PLCB1: variants seen among roughly 807,000 people sequenced by gnomAD.
The protein encoded by PLCB1 is phospholipase C beta 1, also known as 1-phosphatidylinositol 4,5-bisphosphate phosphodiesterase beta-1.
Under a neutral mutation model 161.8 loss-of-function variants are expected in PLCB1, and 46 were observed. That is an observed-to-expected ratio of 0.28 (90% confidence interval 0.22 to 0.36). PLCB1 has a LOEUF of 0.36. PLCB1 is among the 10% of genes least tolerant of loss of function. PLCB1 has a pLI of 1.00. For synonymous variants in PLCB1, 517 were observed against 503.7 expected, an observed-to-expected ratio of 1.03 and a Z score of -0.35; for missense variants, 1,016 against 1,472.5, an observed-to-expected ratio of 0.69 and a Z score of 5.07.
intron 3 of PLCB1, among the ~76,000 whole-genome samples, chr20:8,596,939 T>G (rs1174788332): frequency 6.6e-6 from 1 of 152,300 alleles, no homozygotes; most frequent in Non-Finnish European, 1.5e-5. Context: ...TTGTGATTTT[T>G]GCACGTTGAT....
intron 2 of PLCB1, among the ~76,000 whole-genome samples, chr20:8,277,482 C>G (rs1982640428): frequency 6.6e-6 from 1 of 151,774 alleles, no homozygotes; most frequent in African/African-American, 2.4e-5. Context: ...TATATAAATG[C>G]TACTCTAATA....
At chr20:8,501,658 T>C (rs1335796235) in intron 3 of PLCB1, among the ~76,000 whole-genome samples, 2 of 152,016 alleles carry the variant, frequency 1.3e-5, no homozygotes, top group South Asian at 2.1e-4. Flanking sequence ...ACACAATAGG[T>C]GGTAAGAAAC....
At position 8,604,252 on chromosome 20, in the gene PLCB1, C is replaced by CAAA. The variant is rs34186286; in HGVS notation, c.247-24018_247-24016dup. Among the ~76,000 whole-genome samples the CAAA allele has an allele frequency of 4.1e-3, 209 of 51,392 alleles. 12 individuals are homozygous for CAAA. The highest frequency in any genetic ancestry group is 6.2e-3 in the African/African-American group (79 of 12,662). 33.7% of individuals were successfully genotyped at this position (51,392 alleles called of 152,430 possible). On this transcript the variant is annotated intron_variant, in intron 3 of 31. Transcript: ENST00000338037. ...TGAGTAACAGAGTGAGGCCCTGTCT[C>CAAA]AAAAAAAAAAAAAAAAAAAAAAAAA...
intron 23 of PLCB1, among the ~76,000 whole-genome samples, chr20:8,743,319 GT>G (rs933456515): frequency 1.9e-4 from 28 of 151,294 alleles, no homozygotes; most frequent in African/African-American, 5.8e-4. Flanking sequence ...GATCATATGG[GT>G]TTTTTTTTCC....
chr20:8,245,719 G>A (rs1452220568), intron 2 of PLCB1, among the ~76,000 whole-genome samples: 2 of 151,916 alleles, frequency 1.3e-5, no homozygotes, highest in Non-Finnish European at 2.9e-5. Flanking sequence ...ATATGTAAGA[G>A]TGTATGCGTT....
In PLCB1 at chr20:8,881,925, GC is replaced by G; in HGVS notation, c.*79del. The G allele has an allele frequency of 1.1e-6, 1 of 950,160 alleles. No individual in the cohort carries two copies. The highest frequency in any genetic ancestry group is 1.7e-6 in the Non-Finnish European group (1 of 602,642). 58.9% of individuals were successfully genotyped at this position (950,160 alleles called of 1,614,324 possible). On this transcript the variant is annotated 3_prime_UTR_variant, in exon 32 of 32. Transcript: ENST00000338037. ...ACTCTCTCTTATTACAAAGATCACT[GC>G]CCAGGACCATCTTCCCGAGAAGCAT...
At chr20:8,417,014 CAT>C (rs1979310538) in intron 3 of PLCB1, among the ~76,000 whole-genome samples, 1 of 103,210 alleles carries the variant, frequency 9.7e-6, no homozygotes, top group African/African-American at 3.7e-5. Context: ...GTTTTAAATA[CAT>C]ATATGTGTAT....
intron 12 of PLCB1, chr20:8,715,951 CA>C: frequency 3.4e-6 from 1 of 292,534 alleles, no homozygotes; most frequent in East Asian, 6.0e-5. Flanking sequence ...GCGAGTTAAA[CA>C]AAAGGGACTG....
At chr20:8,155,134 G>A (rs949809518) in intron 2 of PLCB1, among the ~76,000 whole-genome samples, 2 of 152,148 alleles carry the variant, frequency 1.3e-5, no homozygotes, top group Admixed American at 6.5e-5. Flanking sequence ...ATGTTTTAAT[G>A]CCTGTGGACT....
rs144654425 is a variant in PLCB1 at position 8,714,561 on chromosome 20, G to A, written c.1251-1703G>A. On this transcript the variant is annotated intron_variant, in intron 12 of 31. Coordinates refer to ENST00000338037, the MANE Select transcript of PLCB1 (RefSeq NM_015192.4). ...TTCTAATGACTTGTCCTTCAGCAACGACCTCCAATGCTTTTCAGGATCAAT... is the reference window on the plus strand; with the variant it reads ...TTCTAATGACTTGTCCTTCAGCAACAACCTCCAATGCTTTTCAGGATCAAT... Among the ~76,000 whole-genome samples, 199 of 152,244 alleles carry A rather than the reference G, an allele frequency of 1.3e-3. 1 individual carries two copies. The highest frequency in any genetic ancestry group is 4.5e-3 in the African/African-American group (187 of 41,558).
intron 3 of PLCB1, among the ~76,000 whole-genome samples, chr20:8,497,778 T>C (rs535014319): frequency 5.3e-5 from 8 of 152,326 alleles, no homozygotes; most frequent in East Asian, 1.9e-4. Context: ...AAATAAAGTA[T>C]GGAAAAGGTA....
At chr20:8,256,854 GACTT>G in intron 2 of PLCB1, 1 of 152,226 alleles carries the variant, frequency 6.6e-6, no homozygotes, top group East Asian at 1.9e-4. Context: ...AAGAGTAGAA[GACTT>G]ACTTAAACTG....
chr20:8,276,926 TTTCTTCTTCTTC>T (rs752434070), intron 2 of PLCB1, among the ~76,000 whole-genome samples: 7,145 of 104,572 alleles, frequency 0.068, 325 homozygotes, highest in Non-Finnish European at 0.088. Flanking sequence ...GTCTTCTTCT[TTTCTTCTTCTTC>T]TTCTTCTTCT....
chr20:8,337,304 A>G (rs1249719115), intron 2 of PLCB1, among the ~76,000 whole-genome samples: 1 of 152,216 alleles, frequency 6.6e-6, no homozygotes, highest in Non-Finnish European at 1.5e-5. Flanking sequence ...TGTGTGGTAG[A>G]ATTGGAACTT....
intron 31 of PLCB1, among the ~76,000 whole-genome samples, chr20:8,862,309 C>G (rs369245868): frequency 6.6e-6 from 1 of 152,134 alleles, no homozygotes; most frequent in Non-Finnish European, 1.5e-5. Flanking sequence ...TTAGTTTATC[C>G]GTCTATTCCA....
intron 3 of PLCB1, among the ~76,000 whole-genome samples, chr20:8,484,638 C>T (rs754798014): frequency 2.6e-5 from 4 of 152,176 alleles, no homozygotes; most frequent in Non-Finnish European, 4.4e-5. Flanking sequence ...CATGAGCCAC[C>T]GGCCTGCTAG....
At chr20:8,522,808 G>A (rs1984404691) in intron 3 of PLCB1, among the ~76,000 whole-genome samples, 1 of 152,022 alleles carries the variant, frequency 6.6e-6, no homozygotes, top group Non-Finnish European at 1.5e-5. Context: ...TTCAAACATA[G>A]GAGGATAATT....
At chr20:8,365,338 CA>C (rs1280162593) in intron 2 of PLCB1, among the ~76,000 whole-genome samples, 1 of 152,158 alleles carries the variant, frequency 6.6e-6, no homozygotes, top group African/African-American at 2.4e-5. Flanking sequence ...TAAAGAAAGC[CA>C]GATGTGTCAT....
rs559567621 is a variant in PLCB1 at position 8,638,739 on chromosome 20, T to C, written c.385-7363T>C. On this transcript the variant is annotated intron_variant, in intron 4 of 31. Coordinates refer to ENST00000338037, the MANE Select transcript of PLCB1 (RefSeq NM_015192.4). Reference sequence around the variant, plus strand: ...GTTACTATCATTTAACAAGCATATATTACACCTGTCACTGGTCTAACATGA... The same window carrying C: ...GTTACTATCATTTAACAAGCATATACTACACCTGTCACTGGTCTAACATGA... 8.5e-5 allele frequency among the ~76,000 whole-genome samples: 13 copies of C among 152,310 alleles called. No homozygotes were observed. The South Asian group carries it at 2.5e-3, about 29-fold the overall frequency.
Sources: gnomAD v4.1 joint callset for allele counts (sites outside exome capture counted in the v4.1 genomes callset) on GRCh38, gnomAD v4.1.1 for gene constraint, MANE v1.5 for transcripts, NCBI Gene and HGNC (gene_info 2026-07-23, HGNC 2026-07-21) for gene names.